TANC1: variants seen among roughly 807,000 people sequenced by gnomAD.
TANC1 encodes tetratricopeptide repeat, ankyrin repeat and coiled-coil containing 1, also known as protein TANC1.
TANC1 carries 77 observed loss-of-function variants against 149.7 expected under a neutral mutation model. The ratio of observed to expected loss-of-function variants is 0.51; its 90% CI spans 0.43 to 0.62. The LOEUF is 0.62. Ranked by LOEUF, TANC1 falls within the 20% of genes least tolerant of loss-of-function variation. TANC1 has a pLI of 0.00. For missense variants in TANC1, 1,985 were observed against 2,321.8 expected, an observed-to-expected ratio of 0.85 and a Z score of 2.98; for synonymous variants, 854 against 925.0, an observed-to-expected ratio of 0.92 and a Z score of 1.39.
intron 7 of TANC1, among the ~76,000 whole-genome samples, chr2:159,153,701 T>TTTTTTTTTTTTTTTTTTTTTTG (rs2053110172): frequency 6.6e-6 from 1 of 152,200 alleles, no homozygotes; most frequent in Non-Finnish European, 1.5e-5. Flanking sequence ...AGCTTCCTTT[T>TTTTTTTTTTTTTTTTTTTTTTG]AAATCAATAC....
At chr2:159,187,212 T>G (rs966583479) in intron 16 of TANC1, among the ~76,000 whole-genome samples, 188 bp downstream of exon 16, 3 of 152,230 alleles carry the variant, frequency 2.0e-5, no homozygotes, top group Non-Finnish European at 2.9e-5. Context: ...GTTTAGCTTT[T>G]CTTTGGCAGG....
chr2:159,095,520 G>A (rs958060182), intron 3 of TANC1, among the ~76,000 whole-genome samples: 14 of 151,852 alleles, frequency 9.2e-5, no homozygotes, highest in Admixed American at 3.9e-4. Flanking sequence ...GGTAGATCAC[G>A]AGGTCAGAAG....
rs746255432 is a variant in TANC1, at chr2:159,178,542, G to A, written c.1903-14G>A. 1 of 1,539,188 alleles carries A rather than the reference G, an allele frequency of 6.5e-7. No homozygotes were observed. Among genetic ancestry groups the A allele is most frequent in the Non-Finnish European group, 8.7e-7 (1 of 1,146,008 alleles). ...CTTTAGAGTGACACTGTGGGTTTTT[G>A]TTTTCTCCCCCAGGAAATCATAAGT... On this transcript the variant is annotated splice_polypyrimidine_tract_variant and intron_variant, in intron 13 of 26. Coordinates refer to ENST00000263635, the MANE Select transcript of TANC1 (RefSeq NM_033394.3).
intron 1 of TANC1, among the ~76,000 whole-genome samples, chr2:158,969,744 G>A (rs1269471587): frequency 6.6e-6 from 1 of 152,250 alleles, no homozygotes; most frequent in African/African-American, 2.4e-5. Context: ...TAAAGCTCCG[G>A]GAGGAAATGT....
chr2:159,197,549 C>T (rs974210821), intron 18 of TANC1, among the ~76,000 whole-genome samples: 19 of 152,024 alleles, frequency 1.2e-4, no homozygotes, highest in East Asian at 1.9e-4. Flanking sequence ...AACTCATGAG[C>T]GGACACACAC....
chr2:159,102,642 T>G (rs1043778501), intron 4 of TANC1, among the ~76,000 whole-genome samples: 1 of 123,870 alleles, frequency 8.1e-6, no homozygotes, highest in Non-Finnish European at 1.7e-5. Flanking sequence ...TTGAAGAGTT[T>G]GATATTTGTT....
At chr2:159,130,066 GC>G (rs2049921784) in intron 4 of TANC1, among the ~76,000 whole-genome samples, 1 of 152,222 alleles carries the variant, frequency 6.6e-6, no homozygotes, top group South Asian at 2.1e-4. Flanking sequence ...TGGGAGCCCA[GC>G]CCTGGAGACA....
chr2:159,137,726 G>C (rs749092159), intron 5 of TANC1, among the ~76,000 whole-genome samples: 1 of 152,184 alleles, frequency 6.6e-6, no homozygotes, highest in Non-Finnish European at 1.5e-5. Context: ...TGTCTAAGCT[G>C]TCTGCCTGGC....
rs756778043 is a variant in TANC1, at chr2:159,196,667, C to T, written c.3039C>T (p.His1013=). 3 of 1,614,066 alleles carry T rather than the reference C, an allele frequency of 1.9e-6. No homozygotes were observed. The highest frequency in any genetic ancestry group is 2.5e-6 in the Non-Finnish European group (3 of 1,179,952). ...TTGTCCACAGTGCCCTACGGGGCCA[C>T]GGTGACATTCTCCAGTACCTGCTGA... ...CALVHSALRG[H]GDILQYLLTC... is the part of the protein sequence containing the mutation. The change falls in exon 18 of 27, where the codon CAC becomes CAT. Residue 1013 remains histidine (H), a synonymous_variant. Transcript: ENST00000263635.
intron 16 of TANC1, among the ~76,000 whole-genome samples, chr2:159,191,222 C>CCT (rs1430564747): frequency 6.6e-6 from 1 of 152,142 alleles, no homozygotes; most frequent in Non-Finnish European, 1.5e-5. Context: ...AGATGGCAGT[C>CCT]CCAGCAGTGT....
chr2:158,980,603 C>T lies in TANC1; in HGVS notation c.-126+11821C>T, dbSNP rs371947723. On this transcript the variant is annotated intron_variant, in intron 1 of 26. Transcript: ENST00000263635. ...CATCCTGGCTAACACGGTGAAACCC[C>T]GTCTCTACTAAAAATACAAAAAATA... 2.8e-4 allele frequency among the ~76,000 whole-genome samples: 43 copies of T among 151,942 alleles called. 1 individual carries two copies. In the South Asian group the frequency reaches 7.5e-3, roughly 27 times the overall value.
chr2:159,030,645 A>G (rs1387538495), intron 2 of TANC1, among the ~76,000 whole-genome samples: 6 of 152,180 alleles, frequency 3.9e-5, no homozygotes, highest in African/African-American at 1.4e-4. Context: ...TGGCTTCAGC[A>G]TACTCAAAGC....
chr2:159,167,742 C>G (rs1290307677), intron 8 of TANC1, among the ~76,000 whole-genome samples: 1 of 152,136 alleles, frequency 6.6e-6, no homozygotes, highest in African/African-American at 2.4e-5. Flanking sequence ...TATGCCAACA[C>G]AGTCAGGCCT....
At chr2:159,190,790 G>A (rs979788025) in intron 16 of TANC1, among the ~76,000 whole-genome samples, 1 of 152,200 alleles carries the variant, frequency 6.6e-6, no homozygotes, top group Admixed American at 6.5e-5. Context: ...GACCTCAGGT[G>A]ATCCACCCAC....
rs149245460 is a variant in TANC1 at position 158,973,773 on chromosome 2, A to G, written c.-126+4991A>G. Among the ~76,000 whole-genome samples the G allele has an allele frequency of 6.2e-3, 952 of 152,330 alleles. 5 individuals carry two copies. The highest frequency in any genetic ancestry group is 0.012 in the Admixed American group (187 of 15,310). On this transcript the variant is annotated intron_variant, in intron 1 of 26. Coordinates refer to ENST00000263635, the MANE Select transcript of TANC1 (RefSeq NM_033394.3). The stretch of plus-strand genomic sequence containing the variant: ...TGATCATAACAACATACCAAAGGAT[A>G]TGAAGATTCTTAATGTTGTTGTGAT...
intron 2 of TANC1, among the ~76,000 whole-genome samples, chr2:159,034,128 C>A (rs1415720423): frequency 1.3e-5 from 2 of 152,168 alleles, no homozygotes; most frequent in African/African-American, 2.4e-5. Context: ...GCCTCTTGGC[C>A]CTGCCTCTAC....
At chr2:159,224,645 C>T (rs1280061349) in intron 23 of TANC1, 5 of 371,520 alleles carry the variant, frequency 1.3e-5, no homozygotes, top group Non-Finnish European at 2.5e-5. Context: ...CAGCCTCTTG[C>T]TGTGGGGTGG....
intron 1 of TANC1, among the ~76,000 whole-genome samples, chr2:158,976,098 T>A (rs1156796956): frequency 6.6e-6 from 1 of 152,328 alleles, no homozygotes; most frequent in Non-Finnish European, 1.5e-5. Context: ...CCTCCCAAAG[T>A]GCTGGGATTA....
chr2:159,149,304 C>G (rs752640042), intron 6 of TANC1, 32 bp downstream of exon 6: 2 of 1,613,702 alleles, frequency 1.2e-6, no homozygotes, highest in Non-Finnish European at 1.7e-6. Context: ...ACATTGCATA[C>G]CTCTTCAGAG....
Sources: allele counts gnomAD v4.1 joint callset (sites outside exome capture counted in the v4.1 genomes callset), GRCh38; gene constraint gnomAD v4.1.1; transcripts MANE v1.5; gene names NCBI Gene and HGNC (gene_info 2026-07-23, HGNC 2026-07-21).